The following LEKR1 variants were observed in gnomAD, a reference collection of about 807,000 sequenced individuals.
LEKR1 encodes the protein protein LEKR1.
A neutral mutation model predicts 72.4 loss-of-function variants in LEKR1; 59 were observed. The observed-to-expected ratio is 0.82, with a 90% confidence interval of 0.66 to 1.01. LEKR1 has a LOEUF of 1.01. LEKR1 is among the 50% of genes least tolerant of loss of function. The pLI is 0.00. For synonymous variants in LEKR1, 257 were observed against 263.2 expected (o/e 0.98, Z 0.23); for missense variants, 728 against 759.2 (o/e 0.96, Z 0.48).
chr3:156,951,933 G>T (rs1390103730), intron 6 of LEKR1, among the ~76,000 whole-genome samples: 1 of 151,356 alleles, frequency 6.6e-6, no homozygotes, highest in African/African-American at 2.4e-5. Context: ...AGAATTGTGA[G>T]ATTCTAATGC....
intron 3 of LEKR1, among the ~76,000 whole-genome samples, chr3:156,876,365 A>G (rs1718579848): frequency 6.6e-6 from 1 of 152,032 alleles, no homozygotes; most frequent in Non-Finnish European, 1.5e-5. Context: ...TAGTTCTGTG[A>G]AGGATGATGA....
intron 7 of LEKR1, among the ~76,000 whole-genome samples, chr3:156,990,510 A>G (rs1184519600): frequency 1.3e-5 from 2 of 152,198 alleles, no homozygotes; most frequent in African/African-American, 4.8e-5. Flanking sequence ...CAGTTTTACT[A>G]TAGCGATTGC....
rs560825451 is a variant in LEKR1 at position 156,945,534 on chromosome 3, G to T, written c.745+2820G>T. ...TCAAGAAACTTTTGCCTAGTCCAAT[G>T]TCCTGGAGGGTTTCCCTAATGTTTT... On this transcript the variant is annotated intron_variant, in intron 6 of 12. Coordinates refer to ENST00000356539, the MANE Select transcript of LEKR1 (RefSeq NM_001004316.3). Among the ~76,000 whole-genome samples, 4 of 151,938 alleles carry T rather than the reference G, an allele frequency of 2.6e-5. No individual in the cohort carries two copies. In the South Asian group the frequency reaches 8.3e-4, roughly 32 times the overall value.
chr3:156,937,473 A>G (rs970569158), intron 5 of LEKR1, among the ~76,000 whole-genome samples: 10 of 152,172 alleles, frequency 6.6e-5, no homozygotes, highest in African/African-American at 2.2e-4. Flanking sequence ...ATTAAATACA[A>G]CTACACATTT....
At chr3:156,832,582 A>G (rs1360312582) in intron 2 of LEKR1, among the ~76,000 whole-genome samples, 2 of 152,212 alleles carry the variant, frequency 1.3e-5, no homozygotes, top group Admixed American at 6.5e-5. Context: ...TTATTTCATA[A>G]GGAATCTCAG....
At chr3:156,940,412 T>A (rs1331471791) in intron 5 of LEKR1, among the ~76,000 whole-genome samples, 2 of 152,150 alleles carry the variant, frequency 1.3e-5, no homozygotes, top group East Asian at 3.8e-4. Context: ...TAGGAGGACC[T>A]TCTTCATGGG....
At chr3:156,968,270 A>T (rs4374487) in intron 6 of LEKR1, among the ~76,000 whole-genome samples, 10,826 of 152,220 alleles carry the variant, frequency 0.071, 490 homozygotes, top group African/African-American at 0.12. Flanking sequence ...ATTTCACACA[A>T]AACAATATTA....
chr3:156,975,931 A>C (rs1408733250), intron 6 of LEKR1, among the ~76,000 whole-genome samples: 2 of 152,174 alleles, frequency 1.3e-5, no homozygotes, highest in Admixed American at 6.5e-5. Flanking sequence ...AGAAAATTAA[A>C]GTCGAATTTC....
In LEKR1 at chr3:157,043,373, C is replaced by G. The variant is rs182971682; in HGVS notation, c.1669-1967C>G. Among the ~76,000 whole-genome samples the G allele has an allele frequency of 7.2e-5, 11 of 152,194 alleles. No homozygotes were observed. In the East Asian group the frequency reaches 2.1e-3, roughly 29 times the overall value. ...AGGCAAAAAATATAATGGATTGGGT[C>G]TTCCCCCCACTTTAAAAGAAACTTT... On this transcript the variant is annotated intron_variant, in intron 12 of 12. Coordinates refer to ENST00000356539, the MANE Select transcript of LEKR1 (RefSeq NM_001004316.3).
chr3:156,912,516 C>T (rs1021985129), intron 3 of LEKR1, among the ~76,000 whole-genome samples: 6 of 152,184 alleles, frequency 3.9e-5, no homozygotes, highest in Non-Finnish European at 8.8e-5. Context: ...ATGCTCAGAA[C>T]TCAAAACTGT....
At chr3:156,881,529 T>A (rs1719342131) in intron 3 of LEKR1, among the ~76,000 whole-genome samples, 2 of 151,506 alleles carry the variant, frequency 1.3e-5, no homozygotes, top group South Asian at 4.2e-4. Flanking sequence ...GAACATTCCA[T>A]GCTCATGGGT....
At chr3:156,989,096 T>C (rs1049607917) in intron 7 of LEKR1, among the ~76,000 whole-genome samples, 1 of 152,226 alleles carries the variant, frequency 6.6e-6, no homozygotes, top group African/African-American at 2.4e-5. Flanking sequence ...CCCAAAGTGC[T>C]GGGATTACAG....
At chr3:156,922,078 A>G (rs1450003454) in intron 4 of LEKR1, among the ~76,000 whole-genome samples, 1 of 152,232 alleles carries the variant, frequency 6.6e-6, no homozygotes, top group Non-Finnish European at 1.5e-5. Context: ...ACATAAAAAT[A>G]GTACATACTA....
chr3:156,896,484 G>T (rs1320398695), intron 3 of LEKR1, among the ~76,000 whole-genome samples: 1 of 152,130 alleles, frequency 6.6e-6, no homozygotes, highest in Non-Finnish European at 1.5e-5. Context: ...TTAGAGAAAT[G>T]CAAATCAACA....
intron 9 of LEKR1, among the ~76,000 whole-genome samples, chr3:157,011,023 A>G (rs1732846894): frequency 6.6e-6 from 1 of 152,112 alleles, no homozygotes. Flanking sequence ...AAAGAAACCA[A>G]ATATTGTCTG....
At position 156,924,045 on chromosome 3, in the gene LEKR1, T is replaced by A. The variant is rs570312445; in HGVS notation, c.383+3351T>A. Among the ~76,000 whole-genome samples the A allele has an allele frequency of 9.9e-4, 151 of 152,274 alleles. 1 individual carries two copies. The highest frequency in any genetic ancestry group is 1.6e-3 in the Non-Finnish European group (109 of 67,990). On this transcript the variant is annotated intron_variant, in intron 4 of 12. Coordinates refer to ENST00000356539, the MANE Select transcript of LEKR1 (RefSeq NM_001004316.3). ...CCCTGCCAATCAATATTTAATTTTT[T>A]AACTGCCAACCTGTTTTCCAAAGGG...
chr3:156,895,457 A>G (rs1419871102), intron 3 of LEKR1, among the ~76,000 whole-genome samples: 1 of 152,068 alleles, frequency 6.6e-6, no homozygotes, highest in Non-Finnish European at 1.5e-5. Context: ...TCTACAAACA[A>G]TACAAAAATT....
intron 10 of LEKR1, among the ~76,000 whole-genome samples, chr3:157,018,524 C>A (rs554559269): frequency 2.4e-4 from 37 of 152,248 alleles, no homozygotes; most frequent in African/African-American, 8.7e-4. Flanking sequence ...AGAAAGTTAT[C>A]TGGACAATCC....
At chr3:156,839,783 T>G (rs1259021572) in intron 2 of LEKR1, among the ~76,000 whole-genome samples, 1 of 152,208 alleles carries the variant, frequency 6.6e-6, no homozygotes, top group African/African-American at 2.4e-5. Context: ...TTTTACAACA[T>G]GAACCTTCCT....
Sources: allele counts gnomAD v4.1 joint callset (sites outside exome capture counted in the v4.1 genomes callset), GRCh38; gene constraint gnomAD v4.1.1; transcripts MANE v1.5; gene names NCBI Gene and HGNC (gene_info 2026-07-23, HGNC 2026-07-21).